Variants in GNG7 observed in about 807,000 individuals in gnomAD.
GNG7 encodes guanine nucleotide-binding protein G(I)/G(S)/G(O) subunit gamma-7.
Under a neutral mutation model 4.0 loss-of-function variants are expected in GNG7, and 1 was observed. The observed-to-expected ratio is 0.25, with a 90% CI of 0.09 to 1.18. The LOEUF (loss-of-function observed/expected upper bound fraction) is 1.18, where lower values mean the gene tolerates loss of function less well. GNG7 is among the 50% of genes most tolerant of loss of function. The pLI, the probability that GNG7 is intolerant of heterozygous loss-of-function variation, is 0.50. For synonymous variants in GNG7, 34 were observed against 36.9 expected (o/e 0.92, Z 0.29); for missense variants, 86 against 91.9 (o/e 0.94, Z 0.26).
chr19:2,520,760 C>T (rs887780996), intron 3 of GNG7, 35 bp from the exon 4 acceptor site: 1 of 933,922 alleles, frequency 1.1e-6, no homozygotes, highest in Admixed American at 2.0e-5. Context: ...GGTCAAAGTT[C>T]AGGTCAGGCC....
At chr19:2,569,565 G>A (rs1314188293) in intron 2 of GNG7, among the ~76,000 whole-genome samples, 4 of 152,082 alleles carry the variant, frequency 2.6e-5, no homozygotes, top group Non-Finnish European at 4.4e-5. Flanking sequence ...GTGAGTCACC[G>A]CACCTGGCCA....
At position 2,546,472 on chromosome 19, in the gene GNG7, G is replaced by A. The variant is rs866179479; in HGVS notation, c.-38+8677C>T. Among the ~76,000 whole-genome samples the A allele has an allele frequency of 1.2e-4, 19 of 152,258 alleles. No individual in the cohort carries two copies. Among genetic ancestry groups the A allele is most frequent in the African/African-American group, 2.9e-4 (12 of 41,472 alleles). ...CCTCTGCCACATGGAAGGGAGGGCC[G>A]CACTGGCTGGAAAATAGTGCCTTGT... is the stretch of plus-strand genomic sequence containing the variant. On this transcript the variant is annotated intron_variant, in intron 3 of 4. Coordinates refer to ENST00000382159, the MANE Select transcript of GNG7 (RefSeq NM_052847.3). This position sits in a 1 kb window ranked among gnomAD's most constrained non-coding sequence, Gnocchi z 6.3.
intron 2 of GNG7, among the ~76,000 whole-genome samples, chr19:2,607,683 G>T (rs943657759): frequency 6.6e-6 from 1 of 152,046 alleles, no homozygotes; most frequent in African/African-American, 2.4e-5. Flanking sequence ...CTTGGGGCCA[G>T]TCTGCAAGTA....
chr19:2,677,333 A>G (rs1983620105), intron 1 of GNG7, among the ~76,000 whole-genome samples: 1 of 150,804 alleles, frequency 6.6e-6, no homozygotes, highest in Non-Finnish European at 1.5e-5. Flanking sequence ...AGGGGATGCT[A>G]GGTGGTGTCT....
chr19:2,699,994 G>A (rs1913362099), intron 1 of GNG7, among the ~76,000 whole-genome samples: 1 of 152,138 alleles, frequency 6.6e-6, no homozygotes, highest in South Asian at 2.1e-4. Context: ...GCCACCAGGT[G>A]TGGGCAAAGT....
At chr19:2,656,096 C>A (rs1181795168) in intron 1 of GNG7, among the ~76,000 whole-genome samples, 1 of 150,848 alleles carries the variant, frequency 6.6e-6, no homozygotes, top group Non-Finnish European at 1.5e-5. Context: ...AAAAGGGAAC[C>A]CTGTGTGCTG....
At chr19:2,655,735 A>G (rs992711950) in intron 1 of GNG7, among the ~76,000 whole-genome samples, 10 of 148,234 alleles carry the variant, frequency 6.7e-5, no homozygotes, top group African/African-American at 2.5e-4. Flanking sequence ...GCTACTCGGG[A>G]GCCTGAGGCA....
chr19:2,543,535 C>A (rs1979031058), intron 3 of GNG7, among the ~76,000 whole-genome samples: 1 of 152,064 alleles, frequency 6.6e-6, no homozygotes, highest in Admixed American at 6.6e-5. Context: ...TGCAATTTTT[C>A]TTTTCACAGC....
At chr19:2,607,200 G>A (rs1485709454) in intron 2 of GNG7, among the ~76,000 whole-genome samples, 8 of 135,062 alleles carry the variant, frequency 5.9e-5, no homozygotes, top group African/African-American at 1.6e-4. Context: ...CAGCCTGGGC[G>A]ACAGAGCAAG....
At chr19:2,668,980 C>A (rs899099490) in intron 1 of GNG7, among the ~76,000 whole-genome samples, 7 of 152,132 alleles carry the variant, frequency 4.6e-5, no homozygotes, top group African/African-American at 1.2e-4. Flanking sequence ...CACGGTCCCA[C>A]AATATCCAGC....
intron 1 of GNG7, among the ~76,000 whole-genome samples, chr19:2,687,061 CTTT>C (rs762806942): frequency 8.7e-5 from 12 of 137,462 alleles, no homozygotes; most frequent in Non-Finnish European, 8.0e-5. Context: ...CACTTTTTTT[CTTT>C]TTTTTTTTTT....
At chr19:2,581,856 C>T (rs1980514157) in intron 2 of GNG7, among the ~76,000 whole-genome samples, 1 of 152,136 alleles carries the variant, frequency 6.6e-6, no homozygotes, top group Non-Finnish European at 1.5e-5. Flanking sequence ...GTTAGAGAAA[C>T]AGAGAATGTC....
intron 2 of GNG7, among the ~76,000 whole-genome samples, chr19:2,598,526 G>A (rs1286951666): frequency 1.3e-5 from 2 of 151,352 alleles, no homozygotes; most frequent in Non-Finnish European, 3.0e-5. Flanking sequence ...GTGTGGTGGC[G>A]GGCGCCTGTA....
At chr19:2,621,561 T>G (rs1178620518) in intron 2 of GNG7, among the ~76,000 whole-genome samples, 3 of 147,318 alleles carry the variant, frequency 2.0e-5, no homozygotes, top group Non-Finnish European at 3.0e-5. Context: ...GCCGGGCGTG[T>G]TGGTGCGCGC....
intron 2 of GNG7, among the ~76,000 whole-genome samples, chr19:2,560,198 C>T (rs754752650): frequency 6.6e-6 from 1 of 151,982 alleles, no homozygotes; most frequent in African/African-American, 2.4e-5. Flanking sequence ...CACACCAAGC[C>T]GGCGAATTCG....
chr19:2,700,118 G>T (rs1336982075), intron 1 of GNG7, among the ~76,000 whole-genome samples: 1 of 148,676 alleles, frequency 6.7e-6, no homozygotes, highest in African/African-American at 2.5e-5. Flanking sequence ...ACATATTTTT[G>T]TTGTTGTTGC....
chr19:2,540,606 G>C (rs181430726), intron 3 of GNG7, among the ~76,000 whole-genome samples: 6 of 152,336 alleles, frequency 3.9e-5, no homozygotes, highest in Admixed American at 3.9e-4. Flanking sequence ...GCCTGGGGTG[G>C]TTGGAGATTT....
chr19:2,648,139 C>T (rs1982717342), intron 1 of GNG7, among the ~76,000 whole-genome samples: 2 of 151,176 alleles, frequency 1.3e-5, no homozygotes, highest in East Asian at 1.9e-4. Flanking sequence ...TGAAATTTAG[C>T]TTATAGAAAT....
intron 1 of GNG7, among the ~76,000 whole-genome samples, chr19:2,701,497 C>G (rs905647358): frequency 6.7e-6 from 1 of 149,942 alleles, no homozygotes; most frequent in South Asian, 2.1e-4. Context: ...CTGGAACAAG[C>G]CTGACCCCCA....
Sources: gnomAD v4.1 joint callset for allele counts (sites outside exome capture counted in the v4.1 genomes callset) on GRCh38, gnomAD v4.1.1 for gene constraint, Gnocchi (gnomAD v3.1) non-coding constraint, MANE v1.5 for transcripts, NCBI Gene and HGNC (gene_info 2026-07-23, HGNC 2026-07-21) for gene names.